The following ZFHX3 variants were observed in gnomAD, a reference collection of about 807,000 sequenced individuals.
The protein encoded by ZFHX3 is zinc finger homeobox protein 3.
Under a neutral mutation model 279.1 loss-of-function variants are expected in ZFHX3, and 42 were observed. That is an observed-to-expected ratio of 0.15 (90% CI 0.12 to 0.19). The LOEUF (loss-of-function observed/expected upper bound fraction) is 0.19. ZFHX3 is among the 10% of genes least tolerant of loss of function. The pLI is 1.00. For missense variants in ZFHX3, 4,981 were observed against 4,754.0 expected (o/e 1.05, Z -1.40); for synonymous variants, 2,293 against 1,957.8 (o/e 1.17, Z -4.52).
intron 4 of ZFHX3, among the ~76,000 whole-genome samples, chr16:72,830,789 C>A (rs1190042719): frequency 6.6e-6 from 1 of 152,174 alleles, no homozygotes; most frequent in Non-Finnish European, 1.5e-5. Context: ...AACATGCATT[C>A]AGTAAGAGTG....
chr16:73,888,165 T>A (rs988917270), intron 1 of ZFHX3, among the ~76,000 whole-genome samples: 5 of 152,192 alleles, frequency 3.3e-5, no homozygotes, highest in African/African-American at 9.7e-5. Context: ...GTATTTGTAC[T>A]GAATAATGCT....
Position 73,173,584 on chromosome 16 carries a change from T to C in ZFHX3, c.-1103-29753A>G, listed in dbSNP as rs1045292337. Among the ~76,000 whole-genome samples the C allele has an allele frequency of 1.8e-4, 28 of 152,234 alleles. 1 individual carries two copies. Among genetic ancestry groups the C allele is most frequent in the Admixed American group, 1.2e-3 (19 of 15,284 alleles). ...GGACAGTTTACTAACAATGCTCTGCTCTCTTGCACTCCAAGGTCAGGACCC... is the reference window on the plus strand; with the variant it reads ...GGACAGTTTACTAACAATGCTCTGCCCTCTTGCACTCCAAGGTCAGGACCC... On this transcript the variant is annotated intron_variant, in intron 5 of 17. Transcript: ENST00000641206.
chr16:73,181,493 T>C (rs142727327), intron 5 of ZFHX3, among the ~76,000 whole-genome samples: 2 of 152,240 alleles, frequency 1.3e-5, no homozygotes, highest in African/African-American at 4.8e-5. Context: ...AAGGGCAGTA[T>C]AGGTTTATGT....
At chr16:73,100,680 T>C (rs4788698) in intron 7 of ZFHX3, among the ~76,000 whole-genome samples, 113,881 of 151,388 alleles carry the variant, frequency 0.75, 43,034 homozygotes, top group South Asian at 0.92. Flanking sequence ...CCTGGGTAAT[T>C]TCCACCTCCC....
At chr16:72,967,378 C>T (rs1278845448) in intron 1 of ZFHX3, among the ~76,000 whole-genome samples, 1 of 151,494 alleles carries the variant, frequency 6.6e-6, no homozygotes, top group Non-Finnish European at 1.5e-5. Flanking sequence ...TCAGGGACAA[C>T]GTGAGCAAGA....
chr16:73,183,245 C>T (rs1967840102), intron 5 of ZFHX3, among the ~76,000 whole-genome samples: 1 of 152,132 alleles, frequency 6.6e-6, no homozygotes, highest in African/African-American at 2.4e-5. Context: ...ACAATGTTCA[C>T]TATTTGGGTG....
chr16:72,969,582 G>C (rs1438728306), intron 1 of ZFHX3, among the ~76,000 whole-genome samples: 3 of 151,824 alleles, frequency 2.0e-5, no homozygotes, highest in Non-Finnish European at 4.4e-5. Context: ...ATATCAGAGA[G>C]AAAAACACAC....
intron 4 of ZFHX3, among the ~76,000 whole-genome samples, chr16:73,289,556 C>T (rs1024493857): frequency 6.6e-6 from 1 of 151,968 alleles, no homozygotes; most frequent in Admixed American, 6.6e-5. Flanking sequence ...AGAGGTACTG[C>T]TCTCTAATCC....
In ZFHX3 at chr16:72,797,166, A is replaced by C. The variant is rs971434027; in HGVS notation, c.5516T>G (p.Val1839Gly). ...PGLLEDLKAQ[V>G]QVPQQSHQQI... ...CTGATGGCTCTGCTGTGGGACCTGAACCTGAGCCTTCAGATCTTCCAGCAG... is the reference window on the plus strand; with the variant it reads ...CTGATGGCTCTGCTGTGGGACCTGACCCTGAGCCTTCAGATCTTCCAGCAG... Residue 1839 changes from valine to glycine, a missense_variant, in exon 9 of 10, where the codon GTT becomes GGT. Val to Gly is a moderately radical substitution (Grantham distance 109). Transcript: ENST00000268489. 18 of 1,613,808 alleles carry C rather than the reference A, an allele frequency of 1.1e-5. No homozygotes were observed. The highest frequency in any genetic ancestry group is 1.7e-4 in the Middle Eastern group (1 of 6,060).
At chr16:72,979,381 C>G (rs1335106266) in intron 1 of ZFHX3, among the ~76,000 whole-genome samples, 1 of 152,176 alleles carries the variant, frequency 6.6e-6, no homozygotes, top group Non-Finnish European at 1.5e-5. Context: ...AAGACAAGTT[C>G]TATGAAAAAC....
At position 73,855,757 on chromosome 16, in the gene ZFHX3, T is replaced by C. The variant is rs58246156; in HGVS notation, c.-1608+35894A>G. ...ACATGTGGAAAATGTCTCATCATCATCTTGGAGAATTTTTGAAATGGAAGA... is the reference window on the plus strand; with the variant it reads ...ACATGTGGAAAATGTCTCATCATCACCTTGGAGAATTTTTGAAATGGAAGA... On this transcript the variant is annotated intron_variant, in intron 1 of 17. Coordinates refer to the ZFHX3 transcript ENST00000641206. Among the ~76,000 whole-genome samples, 1,208 of 152,266 alleles carry C rather than the reference T, an allele frequency of 7.9e-3. 22 individuals carry two copies. The highest frequency in any genetic ancestry group is 0.028 in the African/African-American group (1,170 of 41,554).
At chr16:73,810,899 C>G (rs1196525447) in intron 1 of ZFHX3, among the ~76,000 whole-genome samples, 1 of 151,860 alleles carries the variant, frequency 6.6e-6, no homozygotes. Flanking sequence ...TATAATATAC[C>G]TATAATAAAT....
At chr16:73,785,680 C>A (rs192944006) in intron 1 of ZFHX3, among the ~76,000 whole-genome samples, 14 of 152,212 alleles carry the variant, frequency 9.2e-5, no homozygotes, top group East Asian at 7.7e-4. Flanking sequence ...TTTGGCTGGG[C>A]ATTAAGTTCT....
At chr16:73,546,944 C>G (rs2020125522) in intron 2 of ZFHX3, among the ~76,000 whole-genome samples, 1 of 152,018 alleles carries the variant, frequency 6.6e-6, no homozygotes, top group Non-Finnish European at 1.5e-5. Context: ...CCGACCCACC[C>G]CTACCCCTGT....
chr16:72,815,045 T>A (rs2036564429), intron 5 of ZFHX3, among the ~76,000 whole-genome samples: 1 of 152,112 alleles, frequency 6.6e-6, no homozygotes, highest in African/African-American at 2.4e-5. Flanking sequence ...CCTCAGACAT[T>A]AAAATGTCAG....
At chr16:73,024,877 C>G (rs1184771527) in intron 1 of ZFHX3, among the ~76,000 whole-genome samples, 5 of 152,196 alleles carry the variant, frequency 3.3e-5, no homozygotes, top group African/African-American at 1.2e-4. Flanking sequence ...GGCTACATGT[C>G]CCCCAGAAGG....
At chr16:73,723,097 T>A (rs1279786194) in intron 1 of ZFHX3, among the ~76,000 whole-genome samples, 1 of 152,166 alleles carries the variant, frequency 6.6e-6, no homozygotes, top group Non-Finnish European at 1.5e-5. Context: ...AGTGGCTCAA[T>A]CCTACTTCAG....
intron 1 of ZFHX3, among the ~76,000 whole-genome samples, chr16:73,702,651 T>C (rs1374004070): frequency 1.3e-5 from 2 of 152,132 alleles, no homozygotes. Context: ...GATTCCTCGT[T>C]ATATGTGGCC....
At chr16:73,149,211 TATTA>T (rs1385661483) in intron 5 of ZFHX3, among the ~76,000 whole-genome samples, 2 of 147,650 alleles carry the variant, frequency 1.4e-5, no homozygotes, top group Non-Finnish European at 1.5e-5. Context: ...TATTTTATCC[TATTA>T]ATTATATTCA....
Sources: allele counts gnomAD v4.1 joint callset (sites outside exome capture counted in the v4.1 genomes callset), GRCh38; gene constraint gnomAD v4.1.1; transcripts MANE v1.5; gene names NCBI Gene and HGNC (gene_info 2026-07-23, HGNC 2026-07-21).